The following SIM1 variants were observed in gnomAD, a reference collection of about 807,000 sequenced individuals.
SIM1 encodes the protein single-minded homolog 1.
Under a neutral mutation model 78.2 loss-of-function variants are expected in SIM1, and 18 were observed. That is an observed-to-expected ratio of 0.23 (90% CI 0.16 to 0.34). SIM1 has a LOEUF of 0.34. Ranked by LOEUF, SIM1 falls within the 10% of genes least tolerant of loss-of-function variation. The pLI is 1.00. For missense variants in SIM1, 939 were observed against 975.1 expected, an observed-to-expected ratio of 0.96 and a Z score of 0.49; for synonymous variants, 417 against 385.2, an observed-to-expected ratio of 1.08 and a Z score of -0.97.
chr6:100,448,556 G>A lies in SIM1; in HGVS notation c.666C>T (p.Val222=). ...TATTGCTGTGTAGCTTGATCTCCGT[G>A]ACGGCGCTGGGAGGCAGCGAGTGGC... ...AVGHSLPPSA[V]TEIKLHSNMF... Residue 222 remains valine (V), a synonymous_variant, in exon 7 of 12, where the codon GTC becomes GTT. Transcript: ENST00000369208. 1 of 1,614,158 alleles carries A rather than the reference G, an allele frequency of 6.2e-7. No homozygotes were observed. Among genetic ancestry groups the A allele is most frequent in the South Asian group, 1.1e-5 (1 of 91,082 alleles).
chr6:100,399,844 A>G (rs981734867), intron 10 of SIM1, among the ~76,000 whole-genome samples: 1 of 152,092 alleles, frequency 6.6e-6, no homozygotes, highest in Admixed American at 6.5e-5. Context: ...AGCAAACTCA[A>G]TTCTATACTG....
intron 10 of SIM1, among the ~76,000 whole-genome samples, chr6:100,402,959 T>C (rs1431524803): frequency 6.6e-6 from 1 of 152,186 alleles, no homozygotes; most frequent in East Asian, 1.9e-4. Flanking sequence ...GATAACAATG[T>C]TTTCTCTTAT....
intron 10 of SIM1, among the ~76,000 whole-genome samples, chr6:100,396,561 G>A (rs1391535743): frequency 6.6e-6 from 1 of 152,140 alleles, no homozygotes; most frequent in African/African-American, 2.4e-5. Flanking sequence ...CAAGCGCATT[G>A]CCCTGAGATA....
At chr6:100,457,045 T>A (rs1416050925) in intron 2 of SIM1, among the ~76,000 whole-genome samples, 1 of 152,168 alleles carries the variant, frequency 6.6e-6, no homozygotes, top group Non-Finnish European at 1.5e-5. Flanking sequence ...TAGTGTGAGC[T>A]CAAAGCATCA....
chr6:100,455,359 C>T (rs1772618979), intron 2 of SIM1, among the ~76,000 whole-genome samples: 1 of 152,194 alleles, frequency 6.6e-6, no homozygotes, highest in South Asian at 2.1e-4. Context: ...CCCGGAGTGA[C>T]TCCACTGCCC....
chr6:100,442,440 G>A (rs1179853565), intron 9 of SIM1, among the ~76,000 whole-genome samples: 1 of 151,982 alleles, frequency 6.6e-6, no homozygotes, highest in South Asian at 2.1e-4. Context: ...CATCTGAAAA[G>A]AACAACTGTG....
At chr6:100,454,058 A>G (rs559422506) in intron 2 of SIM1, among the ~76,000 whole-genome samples, 3 of 152,342 alleles carry the variant, frequency 2.0e-5, no homozygotes, top group African/African-American at 7.2e-5. Context: ...CTTCTAAACT[A>G]AAACTGGTTT....
intron 2 of SIM1, among the ~76,000 whole-genome samples, chr6:100,458,647 G>T (rs2114555789): frequency 6.6e-6 from 1 of 152,320 alleles, no homozygotes; most frequent in East Asian, 1.9e-4. Flanking sequence ...TGGGGCCACC[G>T]CGGACAGAGG....
intron 10 of SIM1, among the ~76,000 whole-genome samples, chr6:100,414,116 T>C (rs1409706603): frequency 6.6e-6 from 1 of 152,236 alleles, no homozygotes; most frequent in Non-Finnish European, 1.5e-5. Flanking sequence ...GAACAGAATG[T>C]GATTTCATAA....
chr6:100,394,011 G>T, intron 10 of SIM1, 122 bp from the exon 11 acceptor site: 1 of 1,008,054 alleles, frequency 9.9e-7, no homozygotes, highest in Non-Finnish European at 1.4e-6. Flanking sequence ...ATTGTCCTGA[G>T]GTCGTCAAAA....
chr6:100,448,502 C>A lies in SIM1; in HGVS notation c.720G>T (p.Met240Ile). Residue 240 changes from methionine (M) to isoleucine (I), a missense_variant, in exon 7 of 12, where the codon ATG (methionine) becomes ATT (isoleucine). Physicochemically the swap from Met to Ile is conservative, Grantham distance 10 (BLOSUM62 1). Around this residue, in one of 5 missense-constraint regions of SIM1, gnomAD observed 187 missense variants for 191.6 expected, o/e 0.98. Coordinates refer to ENST00000369208, the MANE Select transcript of SIM1 (RefSeq NM_005068.3). ...NMFMFRASLD[M>I]KLIFLDSRVA... ...ACCTGGAGTCCAGAAAGATGAGCTT[C>A]ATGTCCAGGCTGGCGCGGAACATAA... 1 of 1,614,016 alleles carries A rather than the reference C, an allele frequency of 6.2e-7. No individual in the cohort carries two copies. The highest frequency in any genetic ancestry group is 1.1e-5 in the South Asian group (1 of 91,066).
intron 9 of SIM1, among the ~76,000 whole-genome samples, chr6:100,443,084 A>C (rs563714665): frequency 3.9e-5 from 6 of 151,988 alleles, no homozygotes; most frequent in Non-Finnish European, 8.8e-5. Flanking sequence ...CATTGACATG[A>C]AGGAAGTACT....
Position 100,450,424 on chromosome 6 carries a change from C to T in SIM1, c.259-68G>A, listed in dbSNP as rs560366231. 223 of 1,423,262 alleles carry T rather than the reference C, an allele frequency of 1.6e-4. 1 individual carries two copies. The highest frequency in any genetic ancestry group is 2.1e-4 in the Non-Finnish European group (208 of 1,012,468). The allele number at this position is 1,423,262 out of a possible 1,614,324, so 88.2% of individuals were successfully genotyped here. ...ATCTGGAGAAATGGGAGCAGGAGGA[C>T]AGAAGTTAGTGACTTTCAGCCAAAA... On this transcript the variant is annotated intron_variant, in intron 3 of 11. Coordinates refer to ENST00000369208, the MANE Select transcript of SIM1 (RefSeq NM_005068.3).
intron 10 of SIM1, among the ~76,000 whole-genome samples, chr6:100,395,891 G>A (rs1056315323): frequency 2.0e-5 from 3 of 152,018 alleles, no homozygotes; most frequent in Non-Finnish European, 4.4e-5. Context: ...CAAATTCCAG[G>A]TCAAAATTTT....
chr6:100,421,937 AT>A (rs1404162104), intron 9 of SIM1, among the ~76,000 whole-genome samples: 3 of 152,078 alleles, frequency 2.0e-5, no homozygotes, highest in Non-Finnish European at 4.4e-5. Flanking sequence ...TAATTGATTT[AT>A]TTTGATCTCT....
intron 10 of SIM1, among the ~76,000 whole-genome samples, chr6:100,419,295 C>T (rs957389397): frequency 2.6e-5 from 4 of 152,220 alleles, no homozygotes; most frequent in Middle Eastern, 3.2e-3. Flanking sequence ...CACACATCTA[C>T]TCTCCTTTCT....
At chr6:100,462,293 C>T (rs915972814) in intron 2 of SIM1, among the ~76,000 whole-genome samples, 15 of 152,290 alleles carry the variant, frequency 9.8e-5, no homozygotes, top group African/African-American at 3.4e-4. Context: ...TCAGTAATCC[C>T]TCTTTTACAT....
At chr6:100,435,710 A>G (rs1772027719) in intron 9 of SIM1, among the ~76,000 whole-genome samples, 1 of 152,114 alleles carries the variant, frequency 6.6e-6, no homozygotes, top group African/African-American at 2.4e-5. Context: ...AAAATGTAAT[A>G]CATCTGCAAA....
At chr6:100,402,917 C>G (rs1398814140) in intron 10 of SIM1, among the ~76,000 whole-genome samples, 2 of 152,244 alleles carry the variant, frequency 1.3e-5, no homozygotes, top group East Asian at 1.9e-4. Flanking sequence ...GCTTTATGAG[C>G]TAGAGAGTAT....
Sources: allele counts gnomAD v4.1 joint callset (sites outside exome capture counted in the v4.1 genomes callset), GRCh38; gene constraint gnomAD v4.1.1; regional missense constraint gnomAD v4.1.1; transcripts MANE v1.5; gene names NCBI Gene and HGNC (gene_info 2026-07-23, HGNC 2026-07-21).